Variants in NXPH1 observed in about 807,000 individuals in gnomAD.
The protein encoded by NXPH1 is neurexophilin 1.
NXPH1 carries 5 observed loss-of-function variants against 23.7 expected under a neutral mutation model. That is an observed-to-expected ratio of 0.21 (90% confidence interval 0.11 to 0.44). The LOEUF (loss-of-function observed/expected upper bound fraction) is 0.44. Among genes scored for constraint, NXPH1 ranks in the 20% least tolerant of loss-of-function variants. NXPH1 has a pLI of 0.99. For missense variants in NXPH1, 324 were observed against 321.6 expected (o/e 1.01, Z -0.06); for synonymous variants, 144 against 122.2 (o/e 1.18, Z -1.18).
chr7:8,475,768 TAAG>T (rs1563321348), intron 2 of NXPH1, among the ~76,000 whole-genome samples: 1 of 152,154 alleles, frequency 6.6e-6, no homozygotes, highest in Non-Finnish European at 1.5e-5. Context: ...CCTGTTAAAA[TAAG>T]AAGGATATAA....
chr7:8,573,643 G>C (rs528501092), intron 2 of NXPH1, among the ~76,000 whole-genome samples: 92 of 152,244 alleles, frequency 6.0e-4, no homozygotes, highest in African/African-American at 2.0e-3. Flanking sequence ...AATGCAATGA[G>C]CTTTCTTTTT....
At chr7:8,669,545 T>C (rs373732305) in intron 2 of NXPH1, among the ~76,000 whole-genome samples, 1 of 152,144 alleles carries the variant, frequency 6.6e-6, no homozygotes, top group African/African-American at 2.4e-5. Flanking sequence ...TCTGGGAGCA[T>C]GTGGGCTTGC....
In NXPH1 at chr7:8,501,846, C is replaced by T. The variant is rs73232389; in HGVS notation, c.54+66079C>T. Among the ~76,000 whole-genome samples, 891 of 152,156 alleles carry T rather than the reference C, an allele frequency of 5.9e-3. 6 individuals are homozygous for T. The highest frequency in any genetic ancestry group is 0.021 in the African/African-American group (857 of 41,532). On this transcript the variant is annotated intron_variant, in intron 2 of 2. Coordinates refer to ENST00000405863, the MANE Select transcript of NXPH1 (RefSeq NM_152745.3). ...CAGACTAACAGTCTTACCCAAGAGTCGTGGGTACATCAATGAAGACGGCAA... is the reference window on the plus strand; with the variant it reads ...CAGACTAACAGTCTTACCCAAGAGTTGTGGGTACATCAATGAAGACGGCAA...
At chr7:8,578,392 C>T (rs916743561) in intron 2 of NXPH1, among the ~76,000 whole-genome samples, 7 of 152,176 alleles carry the variant, frequency 4.6e-5, no homozygotes, top group Non-Finnish European at 5.9e-5. Flanking sequence ...CACATCTCAG[C>T]CATGTCCCAA....
At chr7:8,590,133 T>G (rs1038961790) in intron 2 of NXPH1, among the ~76,000 whole-genome samples, 2 of 152,088 alleles carry the variant, frequency 1.3e-5, no homozygotes, top group African/African-American at 2.4e-5. Context: ...TATTGGAGGT[T>G]GACTATGTTG....
intron 2 of NXPH1, among the ~76,000 whole-genome samples, chr7:8,659,314 C>T (rs1820632678): frequency 6.6e-6 from 1 of 152,274 alleles, no homozygotes; most frequent in South Asian, 2.1e-4. Context: ...GATATTGTTT[C>T]TCAGACCCTC....
intron 2 of NXPH1, among the ~76,000 whole-genome samples, chr7:8,746,519 A>G (rs982233295): frequency 7.9e-5 from 12 of 152,348 alleles, no homozygotes; most frequent in Admixed American, 1.3e-4. Context: ...CTTGAGTTCA[A>G]TCACTTACTT....
chr7:8,436,102 G>A (rs1230709456), intron 2 of NXPH1, among the ~76,000 whole-genome samples: 1 of 152,190 alleles, frequency 6.6e-6, no homozygotes, highest in Non-Finnish European at 1.5e-5. Flanking sequence ...ACTCTCAGTA[G>A]CTCATGCACA....
chr7:8,578,291 C>A (rs1818792916), intron 2 of NXPH1, among the ~76,000 whole-genome samples: 1 of 152,136 alleles, frequency 6.6e-6, no homozygotes, highest in East Asian at 1.9e-4. Context: ...ATTTGAAGTA[C>A]AGTTTCCATT....
chr7:8,448,190 G>A (rs1295749921), intron 2 of NXPH1, among the ~76,000 whole-genome samples: 2 of 152,158 alleles, frequency 1.3e-5, no homozygotes, highest in African/African-American at 4.8e-5. Context: ...AAATGGGGCT[G>A]ACAATACCTC....
At chr7:8,706,659 A>G (rs569056808) in intron 2 of NXPH1, among the ~76,000 whole-genome samples, 29 of 152,288 alleles carry the variant, frequency 1.9e-4, no homozygotes, top group Non-Finnish European at 7.4e-5. Flanking sequence ...GTTCATGGTC[A>G]TGGTGGCCAT....
At chr7:8,730,470 A>G (rs1223360582) in intron 2 of NXPH1, among the ~76,000 whole-genome samples, 32 of 152,078 alleles carry the variant, frequency 2.1e-4, no homozygotes, top group East Asian at 1.4e-3. Flanking sequence ...ATTTTGCAGC[A>G]GCTGGTACCG....
intron 2 of NXPH1, among the ~76,000 whole-genome samples, chr7:8,644,407 A>G (rs544975290): frequency 4.5e-4 from 68 of 152,208 alleles, no homozygotes; most frequent in South Asian, 2.3e-3. Context: ...CACCTTGGCA[A>G]TGGCTTTCTC....
At chr7:8,582,127 G>A (rs1818889164) in intron 2 of NXPH1, among the ~76,000 whole-genome samples, 1 of 152,196 alleles carries the variant, frequency 6.6e-6, no homozygotes, top group Non-Finnish European at 1.5e-5. Context: ...CAGATGTACT[G>A]CACGCAGCTT....
At chr7:8,731,608 T>C (rs1583250948) in intron 2 of NXPH1, among the ~76,000 whole-genome samples, 1 of 152,064 alleles carries the variant, frequency 6.6e-6, no homozygotes, top group Admixed American at 6.6e-5. Flanking sequence ...CTGTGTGAGG[T>C]GTCAGTCTGC....
chr7:8,541,339 T>G (rs763461083), intron 2 of NXPH1, among the ~76,000 whole-genome samples: 1 of 151,646 alleles, frequency 6.6e-6, no homozygotes, highest in South Asian at 2.1e-4. Flanking sequence ...CAGTGAGTTG[T>G]GGGATAACTT....
intron 2 of NXPH1, among the ~76,000 whole-genome samples, chr7:8,741,487 T>C (rs1214142735): frequency 6.6e-6 from 1 of 152,168 alleles, no homozygotes; most frequent in Non-Finnish European, 1.5e-5. Context: ...CAGATTGTTT[T>C]CCATAATCTC....
chr7:8,644,610 C>G (rs944627210), intron 2 of NXPH1, among the ~76,000 whole-genome samples: 3 of 152,002 alleles, frequency 2.0e-5, no homozygotes, highest in African/African-American at 7.3e-5. Flanking sequence ...TCAGAAAGAA[C>G]ATTGTGCTCT....
At chr7:8,669,123 A>G (rs1820826860) in intron 2 of NXPH1, among the ~76,000 whole-genome samples, 1 of 152,140 alleles carries the variant, frequency 6.6e-6, no homozygotes, top group Non-Finnish European at 1.5e-5. Context: ...ATGGGTCTGA[A>G]GCCTGTATCT....
Sources: allele counts gnomAD v4.1 joint callset (sites outside exome capture counted in the v4.1 genomes callset), GRCh38; gene constraint gnomAD v4.1.1; transcripts MANE v1.5; gene names NCBI Gene and HGNC (gene_info 2026-07-23, HGNC 2026-07-21).